The following TSHR variants were observed in gnomAD, a reference collection of about 807,000 sequenced individuals.
TSHR encodes the protein thyrotropin receptor.
TSHR carries 51 observed loss-of-function variants against 64.1 expected under a neutral mutation model. The observed-to-expected ratio is 0.80, with a 90% CI of 0.64 to 1.01. TSHR has a LOEUF of 1.01. Among genes scored for constraint, TSHR ranks in the 50% least tolerant of loss-of-function variants. TSHR has a pLI of 0.00. For missense variants in TSHR, 877 were observed against 942.8 expected (o/e 0.93, Z 0.91); for synonymous variants, 361 against 361.9 (o/e 1.00, Z 0.03).
At chr14:80,976,783 C>T (rs2139712523) in intron 1 of TSHR, among the ~76,000 whole-genome samples, 1 of 152,294 alleles carries the variant, frequency 6.6e-6, no homozygotes, top group African/African-American at 2.4e-5. Context: ...CTCCACAGAG[C>T]CTAGTATTAT....
chr14:81,004,570 G>A (rs1300023707), intron 1 of TSHR, among the ~76,000 whole-genome samples: 1 of 152,152 alleles, frequency 6.6e-6, no homozygotes, highest in Admixed American at 6.6e-5. Context: ...CCCATCTGTA[G>A]CAATGTATAC....
chr14:80,972,777 C>A (rs1189375453), intron 1 of TSHR, among the ~76,000 whole-genome samples: 1 of 152,208 alleles, frequency 6.6e-6, no homozygotes, highest in East Asian at 1.9e-4. Context: ...ATTCCCCACT[C>A]CTCCCAGCCC....
chr14:80,958,464 GA>G (rs895917063), intron 1 of TSHR, among the ~76,000 whole-genome samples: 1 of 152,068 alleles, frequency 6.6e-6, no homozygotes, highest in Non-Finnish European at 1.5e-5. Context: ...AGGCTTTGGA[GA>G]AAAAAGTCTG....
At chr14:81,026,830 G>A (rs2139812955) in intron 1 of TSHR, among the ~76,000 whole-genome samples, 1 of 152,216 alleles carries the variant, frequency 6.6e-6, no homozygotes, top group East Asian at 1.9e-4. Context: ...GAGGTCAGGA[G>A]TTCAAGACCA....
At chr14:81,077,521 CTAAAG>C (rs1005934523) in intron 3 of TSHR, among the ~76,000 whole-genome samples, 1 of 152,196 alleles carries the variant, frequency 6.6e-6, no homozygotes, top group Non-Finnish European at 1.5e-5. Context: ...CGACAATTCT[CTAAAG>C]TAGTTACTAT....
At chr14:81,062,259 T>A in intron 2 of TSHR, 40 bp downstream of exon 2, 1 of 1,469,788 alleles carries the variant, frequency 6.8e-7, no homozygotes, top group Non-Finnish European at 9.5e-7. Flanking sequence ...GCATTTGTGA[T>A]ATGTTATTCT....
chr14:81,012,046 C>T (rs903733552), intron 1 of TSHR: 12 of 152,024 alleles, frequency 7.9e-5, no homozygotes, highest in African/African-American at 2.2e-4. Context: ...CCCACTAACT[C>T]GTCATCTAGC....
intron 1 of TSHR, among the ~76,000 whole-genome samples, chr14:81,040,155 A>T (rs1884851744): frequency 6.6e-6 from 1 of 152,044 alleles, no homozygotes; most frequent in South Asian, 2.1e-4. Flanking sequence ...TCACAGAAAT[A>T]AATCCACGCA....
At chr14:80,983,148 T>C in intron 1 of TSHR, 1 of 867,864 alleles carries the variant, frequency 1.2e-6, no homozygotes, top group Non-Finnish European at 1.8e-6. Flanking sequence ...AATTTTCTTA[T>C]GAGTAATTAC....
intron 1 of TSHR, among the ~76,000 whole-genome samples, chr14:80,976,377 C>A (rs141319072): frequency 1.9e-3 from 294 of 152,276 alleles, no homozygotes; most frequent in East Asian, 0.014. Flanking sequence ...CCTGTTGCAG[C>A]GGTTGGTCTG....
At chr14:81,141,447 G>GA (rs758639291) in intron 9 of TSHR, among the ~76,000 whole-genome samples, 2 of 152,194 alleles carry the variant, frequency 1.3e-5, no homozygotes, top group Non-Finnish European at 2.9e-5. Context: ...GGTGAGCAAG[G>GA]AAAAAACTAA....
chr14:80,995,373 CAT>C (rs1888954448), intron 1 of TSHR: 1 of 152,104 alleles, frequency 6.6e-6, no homozygotes, highest in Admixed American at 6.6e-5. Context: ...TATAAAGACA[CAT>C]GTGTATGTTT....
chr14:81,059,928 G>A (rs1056492715), intron 1 of TSHR, among the ~76,000 whole-genome samples: 4 of 152,098 alleles, frequency 2.6e-5, no homozygotes, highest in Admixed American at 2.6e-4. Flanking sequence ...AGAAACAGGT[G>A]TTATATATTT....
intron 8 of TSHR, among the ~76,000 whole-genome samples, chr14:81,127,867 C>G (rs376112773): frequency 1.3e-5 from 2 of 152,230 alleles, no homozygotes; most frequent in South Asian, 4.1e-4. Context: ...TCCATTAAAC[C>G]TTTTTCTTTA....
chr14:81,053,123 G>A (rs1595006733), intron 1 of TSHR: 1 of 152,130 alleles, frequency 6.6e-6, no homozygotes, highest in East Asian at 1.9e-4. Flanking sequence ...ATAAATTCTG[G>A]TTTGAATCCA....
chr14:81,017,909 A>G (rs1337597929), intron 1 of TSHR, among the ~76,000 whole-genome samples: 1 of 148,840 alleles, frequency 6.7e-6, no homozygotes. Context: ...GGCTCATTGC[A>G]AGCTCCGCCT....
At chr14:81,081,337 G>GT (rs923594128) in intron 3 of TSHR, among the ~76,000 whole-genome samples, 240 of 151,248 alleles carry the variant, frequency 1.6e-3, no homozygotes, top group African/African-American at 3.6e-3. Context: ...AATGATGAGA[G>GT]TTTTTTTTTA....
intron 8 of TSHR, among the ~76,000 whole-genome samples, chr14:81,112,771 G>A (rs1307034972): frequency 6.6e-6 from 1 of 152,106 alleles, no homozygotes. Context: ...AGAAACAAAG[G>A]GACAAGCCTG....
At chr14:80,964,191 C>T (rs541384818) in intron 1 of TSHR, among the ~76,000 whole-genome samples, 4 of 152,212 alleles carry the variant, frequency 2.6e-5, no homozygotes, top group African/African-American at 9.6e-5. Flanking sequence ...CACGGTGAAA[C>T]CCAGTGTTTA....
Sources: gnomAD v4.1 joint callset for allele counts (sites outside exome capture counted in the v4.1 genomes callset) on GRCh38, gnomAD v4.1.1 for gene constraint, MANE v1.5 for transcripts, NCBI Gene and HGNC (gene_info 2026-07-23, HGNC 2026-07-21) for gene names.